The following SORCS1 variants were observed in gnomAD, a reference collection of about 807,000 sequenced individuals.
SORCS1 encodes sortilin related VPS10 domain containing receptor 1.
SORCS1 carries 60 observed loss-of-function variants against 146.1 expected under a neutral mutation model. The observed-to-expected ratio is 0.41, with a 90% CI of 0.33 to 0.51. SORCS1 has a LOEUF of 0.51. Among genes scored for constraint, SORCS1 ranks in the 20% least tolerant of loss-of-function variants. The pLI, the probability that SORCS1 is intolerant of heterozygous loss-of-function variation, is 0.21. For missense variants in SORCS1, 1,352 were observed against 1,487.6 expected (o/e 0.91, Z 1.50); for synonymous variants, 637 against 584.0 (o/e 1.09, Z -1.31).
intron 2 of SORCS1, among the ~76,000 whole-genome samples, chr10:106,936,388 A>G (rs1167151494): frequency 6.6e-6 from 1 of 152,178 alleles, no homozygotes; most frequent in African/African-American, 2.4e-5. Context: ...CAAGACAGGA[A>G]CATAGATTTG....
intron 25 of SORCS1, chr10:106,579,028 TAG>T: frequency 1.3e-6 from 2 of 1,591,204 alleles, no homozygotes; most frequent in South Asian, 1.2e-5. Flanking sequence ...AGAAAGGGGT[TAG>T]AGAGAGAGTC....
intron 3 of SORCS1, among the ~76,000 whole-genome samples, chr10:106,792,117 T>G (rs993855678): frequency 6.6e-6 from 1 of 152,226 alleles, no homozygotes; most frequent in Non-Finnish European, 1.5e-5. Flanking sequence ...TCTACATTTC[T>G]GGAAAAAGAC....
chr10:106,687,513 A>C (rs1410926831), intron 10 of SORCS1, among the ~76,000 whole-genome samples: 2 of 152,138 alleles, frequency 1.3e-5, no homozygotes, highest in East Asian at 3.9e-4. Flanking sequence ...GTGACTACTC[A>C]ATTCTGCCTT....
At chr10:106,699,047 T>C (rs561340700) in intron 9 of SORCS1, among the ~76,000 whole-genome samples, 167 bp downstream of exon 9, 24 of 152,302 alleles carry the variant, frequency 1.6e-4, no homozygotes, top group African/African-American at 5.5e-4. Context: ...CTTCTGTGGA[T>C]TGCAAATTAA....
intron 2 of SORCS1, among the ~76,000 whole-genome samples, chr10:106,930,217 G>C (rs1032675357): frequency 6.6e-6 from 1 of 152,088 alleles, no homozygotes; most frequent in African/African-American, 2.4e-5. Context: ...GGGAAGCGGA[G>C]CTTGCAGTGA....
chr10:106,958,813 A>T (rs1955087120), intron 1 of SORCS1, among the ~76,000 whole-genome samples: 1 of 152,192 alleles, frequency 6.6e-6, no homozygotes, highest in Non-Finnish European at 1.5e-5. Context: ...GCTAAATTTC[A>T]ATCACCGCCA....
chr10:106,766,552 G>A (rs1306702340), intron 4 of SORCS1, among the ~76,000 whole-genome samples: 1 of 152,106 alleles, frequency 6.6e-6, no homozygotes, highest in Non-Finnish European at 1.5e-5. Context: ...AGCATAGGAG[G>A]GGGCCACGAC....
chr10:107,157,998 A>G (rs1969422305), intron 1 of SORCS1, among the ~76,000 whole-genome samples: 1 of 152,254 alleles, frequency 6.6e-6, no homozygotes. Flanking sequence ...AATATTTTAC[A>G]TACATTTAGT....
At chr10:106,811,129 G>A (rs565582615) in intron 3 of SORCS1, among the ~76,000 whole-genome samples, 13 of 151,852 alleles carry the variant, frequency 8.6e-5, no homozygotes, top group African/African-American at 1.9e-4. Context: ...TAGTAGAGAC[G>A]GGGTTTCACC....
intron 1 of SORCS1, among the ~76,000 whole-genome samples, chr10:106,966,843 G>C (rs893171105): frequency 1.3e-5 from 2 of 152,194 alleles, no homozygotes; most frequent in Admixed American, 1.3e-4. Context: ...GGGAACTCAT[G>C]GGTTTTCTCC....
chr10:106,969,167 C>T (rs1455762204), intron 1 of SORCS1, among the ~76,000 whole-genome samples: 1 of 152,176 alleles, frequency 6.6e-6, no homozygotes, highest in East Asian at 1.9e-4. Context: ...TATTCCTTGT[C>T]TTTTAGTCAC....
chr10:106,616,169 T>G (rs970877940), intron 21 of SORCS1, among the ~76,000 whole-genome samples: 42 of 152,172 alleles, frequency 2.8e-4, no homozygotes, highest in African/African-American at 9.7e-4. Context: ...TATAAAATGA[T>G]GGGCTGGACC....
At position 106,691,653 on chromosome 10, in the gene SORCS1, C is replaced by A. The variant is rs3850679; in HGVS notation, c.1414-3315G>T. Among the ~76,000 whole-genome samples, 827 of 151,852 alleles carry A rather than the reference C, an allele frequency of 5.4e-3. 11 individuals carry two copies. Among genetic ancestry groups the A allele is most frequent in the African/African-American group, 0.02 (808 of 41,170 alleles). ...TGACTCTCTTTGTTCACAAAGGCCA[C>A]CCCCAACTCCCTGAGAAAGCCTCCT... On this transcript the variant is annotated intron_variant, in intron 9 of 25. Coordinates refer to ENST00000263054, the MANE Select transcript of SORCS1 (RefSeq NM_052918.5).
At chr10:107,100,855 T>C (rs1590136784) in intron 1 of SORCS1, among the ~76,000 whole-genome samples, 1 of 142,372 alleles carries the variant, frequency 7.0e-6, no homozygotes, top group Non-Finnish European at 1.5e-5. Flanking sequence ...TTTGAGAAAA[T>C]AATAATTCTT....
At chr10:106,639,250 C>T in intron 18 of SORCS1, among the ~76,000 whole-genome samples, 1 of 152,252 alleles carries the variant, frequency 6.6e-6, no homozygotes, top group South Asian at 2.1e-4. Context: ...GTAGTGACCA[C>T]CCATGTGGAT....
At position 106,603,522 on chromosome 10, in the gene SORCS1, T is replaced by A. The variant is rs372289388; in HGVS notation, c.3165+3644A>T. 7.2e-5 allele frequency among the ~76,000 whole-genome samples: 11 copies of A among 152,230 alleles called. No individual in the cohort carries two copies. In the South Asian group the frequency reaches 2.3e-3, roughly 32 times the overall value. On this transcript the variant is annotated intron_variant, in intron 23 of 25. Transcript: ENST00000263054. ...CCCCAGGAAGGCTCTCAGAGGAAGC[T>A]AAGGAAGGAGGACTGAGAGTCCTTT...
intron 1 of SORCS1, among the ~76,000 whole-genome samples, chr10:106,964,764 G>C (rs900298116): frequency 2.6e-5 from 4 of 151,908 alleles, no homozygotes; most frequent in African/African-American, 4.8e-5. Flanking sequence ...GGGATTACAG[G>C]CATGAGCCAC....
intron 1 of SORCS1, among the ~76,000 whole-genome samples, chr10:107,043,152 T>C (rs926360296): frequency 6.6e-6 from 1 of 152,150 alleles, no homozygotes; most frequent in Non-Finnish European, 1.5e-5. Flanking sequence ...TTTTTAATCA[T>C]AAGAAAACAC....
chr10:107,083,669 C>A (rs1039233114), intron 1 of SORCS1, among the ~76,000 whole-genome samples: 6 of 152,172 alleles, frequency 3.9e-5, no homozygotes, highest in Admixed American at 3.9e-4. Flanking sequence ...TTAACCTACT[C>A]CTAGCCTTAC....
Sources: gnomAD v4.1 joint callset for allele counts (sites outside exome capture counted in the v4.1 genomes callset) on GRCh38, gnomAD v4.1.1 for gene constraint, MANE v1.5 for transcripts, NCBI Gene and HGNC (gene_info 2026-07-23, HGNC 2026-07-21) for gene names.